Variants in NLGN1 observed in about 807,000 individuals in gnomAD.
NLGN1 encodes the protein neuroligin-1.
In NLGN1, 12 loss-of-function variants were observed where a neutral mutation model predicts 65.5. That is an observed-to-expected ratio of 0.18 (90% CI 0.12 to 0.30). The LOEUF is 0.30. Ranked by LOEUF, NLGN1 falls within the 10% of genes least tolerant of loss-of-function variation. The probability of loss-of-function intolerance (pLI) is 1.00; values close to 1 mark genes in which losing one functional copy is unlikely to be tolerated. For missense variants in NLGN1, 750 were observed against 1,007.1 expected, an observed-to-expected ratio of 0.74 and a Z score of 3.46; for synonymous variants, 350 against 359.5, an observed-to-expected ratio of 0.97 and a Z score of 0.30.
intron 2 of NLGN1, among the ~76,000 whole-genome samples, chr3:173,482,673 A>T (rs1221618472): frequency 2.0e-5 from 3 of 151,920 alleles, no homozygotes; most frequent in Non-Finnish European, 4.4e-5. Context: ...AGACGATGAC[A>T]GTTGGGCAGA....
intron 3 of NLGN1, among the ~76,000 whole-genome samples, chr3:173,788,801 A>G (rs1040407272): frequency 1.4e-5 from 2 of 146,726 alleles, no homozygotes; most frequent in African/African-American, 5.0e-5. Context: ...CACTACCATA[A>G]TCCAGCCTGG....
intron 4 of NLGN1, among the ~76,000 whole-genome samples, chr3:174,218,519 T>C (rs1227681340): frequency 6.6e-6 from 1 of 152,100 alleles, no homozygotes; most frequent in Non-Finnish European, 1.5e-5. Flanking sequence ...TTTCAATAAA[T>C]AGCTCTTACA....
intron 2 of NLGN1, among the ~76,000 whole-genome samples, chr3:173,544,255 A>G (rs1739377181): frequency 1.1e-5 from 1 of 89,236 alleles, no homozygotes; most frequent in African/African-American, 5.7e-5. Flanking sequence ...CCAAGATTAT[A>G]TTACGTGTGT....
intron 2 of NLGN1, among the ~76,000 whole-genome samples, chr3:173,539,615 AT>A (rs1417366087): frequency 5.7e-5 from 7 of 122,066 alleles, no homozygotes; most frequent in African/African-American, 2.8e-4. Flanking sequence ...TATGTTATAT[AT>A]TATATATTTA....
chr3:174,273,124 C>T (rs531749591), intron 4 of NLGN1, among the ~76,000 whole-genome samples: 2 of 151,388 alleles, frequency 1.3e-5, no homozygotes, highest in East Asian at 3.9e-4. Flanking sequence ...TGTCTGATAC[C>T]GTGGTTCTCT....
chr3:173,722,241 CTTTTTTTT>C (rs58327862), intron 3 of NLGN1, among the ~76,000 whole-genome samples: 1 of 100,128 alleles, frequency 1.0e-5, no homozygotes, highest in African/African-American at 3.8e-5. Flanking sequence ...TCTTCTTCTT[CTTTTTTTT>C]TTTTTTTTTT....
chr3:174,142,799 T>C (rs1722548917), intron 4 of NLGN1, among the ~76,000 whole-genome samples: 1 of 152,208 alleles, frequency 6.6e-6, no homozygotes, highest in African/African-American at 2.4e-5. Context: ...GCATTTATAT[T>C]ATATGCGTGT....
intron 4 of NLGN1, among the ~76,000 whole-genome samples, chr3:174,243,220 A>G (rs187692638): frequency 5.3e-5 from 8 of 152,152 alleles, no homozygotes; most frequent in Non-Finnish European, 1.0e-4. Context: ...CCCTTTGCCT[A>G]TTGCTTTGAT....
intron 4 of NLGN1, among the ~76,000 whole-genome samples, chr3:173,967,743 A>G (rs1384517033): frequency 2.6e-5 from 4 of 152,242 alleles, no homozygotes; most frequent in Admixed American, 6.5e-5. Context: ...TATCAGTTCA[A>G]TGAGCCTTTA....
intron 2 of NLGN1, among the ~76,000 whole-genome samples, chr3:173,601,593 A>T (rs187333796): frequency 2.0e-4 from 30 of 152,086 alleles, no homozygotes; most frequent in African/African-American, 6.5e-4. Flanking sequence ...CTTTATTTTC[A>T]CTAATGTATA....
intron 4 of NLGN1, among the ~76,000 whole-genome samples, chr3:174,103,784 C>T (rs934657048): frequency 3.3e-5 from 5 of 152,008 alleles, no homozygotes; most frequent in Admixed American, 6.6e-5. Flanking sequence ...CCTAGTCATA[C>T]ATTTACCTGT....
chr3:174,212,228 C>T (rs966526423), intron 4 of NLGN1, among the ~76,000 whole-genome samples: 22 of 152,340 alleles, frequency 1.4e-4, no homozygotes, highest in South Asian at 6.2e-4. Context: ...CTAAGCCCCT[C>T]ACTGTCCGGG....
At position 173,419,020 on chromosome 3, in the gene NLGN1, C is replaced by CTTTTTTTTTTTTTTTTTTTTTTTTTTTTT. The variant is rs59051811; in HGVS notation, c.-389-15984_-389-15956dup. Reference sequence around the variant, plus strand: ...TCTGTTCTTTAGCTTTCTTCTTCTTCTTTTTTTTTTTTTTTTTTTTTTTTT... The same window carrying CTTTTTTTTTTTTTTTTTTTTTTTTTTTTT: ...TCTGTTCTTTAGCTTTCTTCTTCTTCTTTTTTTTTTTTTTTTTTTTTTTTTTTTTTTTTTTTTTTTTTTTTTTTTTTTTT... On this transcript the variant is annotated intron_variant, in intron 1 of 6. Transcript: ENST00000457714. Among the ~76,000 whole-genome samples the CTTTTTTTTTTTTTTTTTTTTTTTTTTTTT allele has an allele frequency of 2.8e-3, 34 of 12,264 alleles. 3 individuals are homozygous for CTTTTTTTTTTTTTTTTTTTTTTTTTTTTT. Among genetic ancestry groups the CTTTTTTTTTTTTTTTTTTTTTTTTTTTTT allele is most frequent in the Non-Finnish European group, 3.6e-3 (26 of 7,222 alleles). 8.0% of individuals were successfully genotyped at this position (12,264 alleles called of 152,430 possible). A position where few individuals can be genotyped will look rare whatever the true frequency, so the allele number is the denominator to read the frequency against.
At chr3:173,518,997 G>T (rs1734320485) in intron 2 of NLGN1, among the ~76,000 whole-genome samples, 1 of 152,120 alleles carries the variant, frequency 6.6e-6, no homozygotes, top group Non-Finnish European at 1.5e-5. Context: ...GTCCTGCACA[G>T]CCTCAGAACA....
chr3:173,596,132 A>G (rs1749452027), intron 2 of NLGN1, among the ~76,000 whole-genome samples: 1 of 152,176 alleles, frequency 6.6e-6, no homozygotes, highest in African/African-American at 2.4e-5. Flanking sequence ...TTTTTCTCCA[A>G]TTAATGTTAA....
intron 3 of NLGN1, among the ~76,000 whole-genome samples, chr3:173,736,568 C>T (rs1355606936): frequency 2.0e-5 from 3 of 151,798 alleles, no homozygotes; most frequent in African/African-American, 7.3e-5. Flanking sequence ...AAAAATTGTT[C>T]CTTTGTGACT....
chr3:173,708,256 T>A (rs1045688838), intron 3 of NLGN1, among the ~76,000 whole-genome samples: 1 of 152,172 alleles, frequency 6.6e-6, no homozygotes, highest in African/African-American at 2.4e-5. Flanking sequence ...AAGCCCAGGT[T>A]TGAATTTGGA....
chr3:173,635,878 A>G (rs1236175973), intron 3 of NLGN1, among the ~76,000 whole-genome samples: 1 of 152,094 alleles, frequency 6.6e-6, no homozygotes, highest in African/African-American at 2.4e-5. Flanking sequence ...TCACATTTCT[A>G]TTGAATTTTT....
chr3:174,275,350 A>T, exon 5 of NLGN1: 2 of 1,612,556 alleles, frequency 1.2e-6, no homozygotes, highest in Non-Finnish European at 1.7e-6. Flanking sequence ...TGCAAAGGGG[A>T]ACTATGGACT....
Sources: allele counts gnomAD v4.1 joint callset (sites outside exome capture counted in the v4.1 genomes callset), GRCh38; gene constraint gnomAD v4.1.1; transcripts MANE v1.5; gene names NCBI Gene and HGNC (gene_info 2026-07-23, HGNC 2026-07-21).